ITFG1: variants seen among roughly 807,000 people sequenced by gnomAD.
ITFG1 encodes integrin alpha FG-GAP repeat containing 1, also known as T-cell immunomodulatory protein.
Under a neutral mutation model 81.8 loss-of-function variants are expected in ITFG1, and 34 were observed. The ratio of observed to expected loss-of-function variants is 0.42; its 90% CI spans 0.32 to 0.55. The LOEUF (loss-of-function observed/expected upper bound fraction) is 0.55. ITFG1 is among the 20% of genes least tolerant of loss of function. The probability of loss-of-function intolerance (pLI) is 0.17; values close to 1 mark genes in which losing one functional copy is unlikely to be tolerated. For missense variants in ITFG1, 672 were observed against 755.4 expected (o/e 0.89, Z 1.29); for synonymous variants, 285 against 270.6 (o/e 1.05, Z -0.52).
intron 6 of ITFG1, among the ~76,000 whole-genome samples, chr16:47,379,424 A>G (rs1968367292): frequency 6.6e-6 from 1 of 152,196 alleles, no homozygotes; most frequent in African/African-American, 2.4e-5. Flanking sequence ...ACGGTGGCTC[A>G]CACCAGTAAT....
intron 5 of ITFG1, among the ~76,000 whole-genome samples, chr16:47,442,977 G>A (rs1192271638): frequency 6.6e-6 from 1 of 152,044 alleles, no homozygotes; most frequent in Non-Finnish European, 1.5e-5. Flanking sequence ...CTACAGAATG[G>A]GAGAAAATTT....
intron 8 of ITFG1, among the ~76,000 whole-genome samples, chr16:47,356,065 GGATACAGCTTGTGAGACAGAGCCAAA>G (rs973970185): frequency 5.3e-5 from 8 of 152,144 alleles, no homozygotes; most frequent in Non-Finnish European, 8.8e-5. Flanking sequence ...TTTAAGGTAA[GGATACAGCTTGTGAGACAGAGCCAAA>G]GATCATGTCC....
At position 47,158,949 on chromosome 16, in the gene ITFG1, A is replaced by C. The variant is rs1256686857; in HGVS notation, c.1703T>G (p.Leu568Arg). 2 of 1,599,272 alleles carry C rather than the reference A, an allele frequency of 1.3e-6. No individual in the cohort carries two copies. The highest frequency in any genetic ancestry group is 2.7e-5 in the African/African-American group (2 of 74,332). ...ACCGATGAGAGCTATAGCAGTAAGCAGAACAATATTACTTGGTGTAAGATA... is the reference window on the plus strand; with the variant it reads ...ACCGATGAGAGCTATAGCAGTAAGCCGAACAATATTACTTGGTGTAAGATA... ...KLYLTPSNIVLLTAIALIGVC... is the reference protein window; with the variant it reads ...KLYLTPSNIVRLTAIALIGVC... The change falls in exon 17 of 18, where the codon CTG becomes CGG. Residue 568 changes from leucine to arginine, a missense_variant. Physicochemically the swap from Leu to Arg is moderately radical, Grantham distance 102. Coordinates refer to ENST00000320640, the MANE Select transcript of ITFG1 (RefSeq NM_030790.5).
intron 6 of ITFG1, among the ~76,000 whole-genome samples, chr16:47,423,232 A>T (rs967483673): frequency 2.7e-5 from 4 of 149,020 alleles, no homozygotes; most frequent in Non-Finnish European, 5.9e-5. Flanking sequence ...TTTATCAGAG[A>T]CCAGGACTGC....
In ITFG1 at chr16:47,460,951, C is replaced by T; in HGVS notation, c.95G>A (p.Arg32Gln). ...ALLGVGPVPA[R>Q]ALHNVTAELF... ...CTCGGCCGTGACGTTGTGCAGCGCCCGCGCTGGGACCGGCCCGACTCCCAG... is the reference window on the plus strand; with the variant it reads ...CTCGGCCGTGACGTTGTGCAGCGCCTGCGCTGGGACCGGCCCGACTCCCAG... Residue 32 changes from arginine to glutamine, a missense_variant, in exon 1 of 18, where the codon CGG (arginine) becomes CAG (glutamine). Around this residue, in one of 3 missense-constraint regions of ITFG1, gnomAD observed 560 missense variants for 625.7 expected, o/e 0.90. Coordinates refer to ENST00000320640, the MANE Select transcript of ITFG1 (RefSeq NM_030790.5). 6.2e-7 allele frequency: 1 copy of T among 1,609,186 alleles called. No homozygotes were observed. Among genetic ancestry groups the T allele is most frequent in the East Asian group, 2.2e-5 (1 of 44,700 alleles).
intron 14 of ITFG1, among the ~76,000 whole-genome samples, chr16:47,207,889 T>A (rs868525548): frequency 6.8e-6 from 1 of 148,006 alleles, no homozygotes; most frequent in Non-Finnish European, 1.5e-5. Flanking sequence ...CCAGACAGAG[T>A]GAAATCATTC....
chr16:47,353,408 A>G (rs574462121), intron 8 of ITFG1, among the ~76,000 whole-genome samples: 8 of 152,236 alleles, frequency 5.3e-5, no homozygotes, highest in Middle Eastern at 6.8e-3. Context: ...TCAACACAAT[A>G]AAAACCATAT....
chr16:47,175,345 CAT>C (rs1596784485), intron 14 of ITFG1, among the ~76,000 whole-genome samples: 1 of 150,004 alleles, frequency 6.7e-6, no homozygotes, highest in South Asian at 2.1e-4. Context: ...TATATTAATA[CAT>C]AAATTATTTA....
rs965098975 is a variant in ITFG1, at chr16:47,224,056, G to T, written c.1375-5110C>A. ...CAGGAAGGGGAACATCACACTCTGG[G>T]GACTGTTGTGGGGTGGGGGGAGGGG... On this transcript the variant is annotated intron_variant, in intron 13 of 17. Transcript: ENST00000320640. Among the ~76,000 whole-genome samples the T allele has an allele frequency of 6.9e-5, 9 of 131,370 alleles. 1 individual carries two copies. Among genetic ancestry groups the T allele is most frequent in the Admixed American group, 5.7e-4 (7 of 12,308 alleles). The allele number at this position is 131,370 out of a possible 152,430, so 86.2% of individuals were successfully genotyped here. A position where few individuals can be genotyped will look rare whatever the true frequency, so the allele number is the denominator to read the frequency against.
chr16:47,288,827 T>C (rs1361872721), intron 10 of ITFG1, among the ~76,000 whole-genome samples: 1 of 152,006 alleles, frequency 6.6e-6, no homozygotes, highest in African/African-American at 2.4e-5. Context: ...ACCCAAGAAG[T>C]GGAGGTTGCA....
chr16:47,424,315 T>C (rs1312138623), intron 6 of ITFG1, among the ~76,000 whole-genome samples: 1 of 152,244 alleles, frequency 6.6e-6, no homozygotes, highest in Admixed American at 6.5e-5. Flanking sequence ...CTGTTTATTC[T>C]AGTTAGCCAT....
intron 14 of ITFG1, among the ~76,000 whole-genome samples, chr16:47,208,784 CTGTT>C (rs1261585537): frequency 6.6e-6 from 1 of 152,112 alleles, no homozygotes. Context: ...ACCAACTTCT[CTGTT>C]TGTTATTAGG....
chr16:47,456,682 AC>A (rs1362249578), intron 2 of ITFG1, among the ~76,000 whole-genome samples: 2 of 147,780 alleles, frequency 1.4e-5, no homozygotes, highest in African/African-American at 5.0e-5. Context: ...ACAGAGTGAG[AC>A]TCTGTCTCTA....
chr16:47,375,227 G>A (rs1334137524), intron 7 of ITFG1, among the ~76,000 whole-genome samples: 1 of 152,252 alleles, frequency 6.6e-6, no homozygotes, highest in East Asian at 1.9e-4. Context: ...AATACTTCAC[G>A]AATGTCACTG....
At chr16:47,250,319 A>G (rs1479918459) in intron 12 of ITFG1, among the ~76,000 whole-genome samples, 2 of 151,672 alleles carry the variant, frequency 1.3e-5, no homozygotes, top group Non-Finnish European at 2.9e-5. Flanking sequence ...CTTTATGTGT[A>G]CATATTAAGT....
chr16:47,433,511 C>T (rs987156011), intron 5 of ITFG1, among the ~76,000 whole-genome samples: 2 of 152,104 alleles, frequency 1.3e-5, no homozygotes, highest in African/African-American at 4.8e-5. Context: ...ATTTGCCACT[C>T]CTAACAATAT....
chr16:47,374,497 T>C (rs1352347197), intron 7 of ITFG1, among the ~76,000 whole-genome samples: 2 of 152,176 alleles, frequency 1.3e-5, no homozygotes, highest in Non-Finnish European at 2.9e-5. Context: ...TCTACTTATT[T>C]ATAATGAGGC....
intron 8 of ITFG1, among the ~76,000 whole-genome samples, chr16:47,354,616 C>T (rs535496408): frequency 2.0e-5 from 3 of 151,822 alleles, no homozygotes; most frequent in South Asian, 4.2e-4. Context: ...GATGAGACAA[C>T]CTAAAAAATG....
intron 13 of ITFG1, among the ~76,000 whole-genome samples, chr16:47,233,240 C>T (rs1480370292): frequency 1.3e-5 from 2 of 152,194 alleles, no homozygotes; most frequent in Non-Finnish European, 2.9e-5. Context: ...ACTAAGGTCA[C>T]AGGACAAACT....
Sources: gnomAD v4.1 joint callset for allele counts (sites outside exome capture counted in the v4.1 genomes callset) on GRCh38, gnomAD v4.1.1 for gene constraint, gnomAD v4.1.1 regional missense constraint, MANE v1.5 for transcripts, NCBI Gene and HGNC (gene_info 2026-07-23, HGNC 2026-07-21) for gene names.